The following SLC25A26 variants were observed in gnomAD, a reference collection of about 807,000 sequenced individuals.
SLC25A26 encodes the protein mitochondrial S-adenosylmethionine carrier protein.
SLC25A26 carries 36 observed loss-of-function variants against 37.8 expected under a neutral mutation model. That is an observed-to-expected ratio of 0.95 (90% CI 0.73 to 1.26). The LOEUF (loss-of-function observed/expected upper bound fraction) is 1.26. Among genes scored for constraint, SLC25A26 ranks in the 50% most tolerant of loss-of-function variants. SLC25A26 has a pLI of 0.00. For synonymous variants in SLC25A26, 129 were observed against 122.5 expected, an observed-to-expected ratio of 1.05 and a Z score of -0.35; for missense variants, 390 against 331.1, an observed-to-expected ratio of 1.18 and a Z score of -1.38.
intron 2 of SLC25A26, 26 bp from the exon 3 acceptor site, chr3:66,243,177 A>G: frequency 1.7e-6 from 2 of 1,208,658 alleles, no homozygotes; most frequent in South Asian, 1.3e-5. Flanking sequence ...AAACTTTGTG[A>G]AAGACTGGCT....
chr3:66,154,992 G>A (rs1235190072), intron 1 of SLC25A26, among the ~76,000 whole-genome samples: 1 of 152,190 alleles, frequency 6.6e-6, no homozygotes, highest in African/African-American at 2.4e-5. Context: ...TTATGGCTTA[G>A]GTGTCTTTGT....
At chr3:66,369,024 TCAAAAAAAAAAAAAAAAAACAAAAA>T (rs1462751483) in intron 7 of SLC25A26, among the ~76,000 whole-genome samples, 11 of 76,782 alleles carry the variant, frequency 1.4e-4, no homozygotes, top group African/African-American at 7.5e-4. Context: ...CCCTGTCTTT[TCAAAAAAAAAAAAAAAAAACAAAAA>T]CAAAAAAAAA....
At chr3:66,338,386 T>C (rs1044657862) in intron 5 of SLC25A26, among the ~76,000 whole-genome samples, 10 of 152,048 alleles carry the variant, frequency 6.6e-5, no homozygotes, top group Non-Finnish European at 1.5e-4. Flanking sequence ...TTCAAAGTTG[T>C]ACGTTCCCAC....
rs1340107954 is a variant in SLC25A26 at position 66,346,431 on chromosome 3, A to G, written c.498+23A>G. 3.7e-6 allele frequency: 5 copies of G among 1,337,586 alleles called. No homozygotes were observed. In the African/African-American group the frequency reaches 7.7e-5, roughly 21 times the overall value. The allele number at this position is 1,337,586 out of a possible 1,614,324, so 82.9% of individuals were successfully genotyped here. A position where few individuals can be genotyped will look rare whatever the true frequency, so the allele number is the denominator to read the frequency against. Reference sequence around the variant, plus strand: ...AAAGTAAGTTTCTCAGTCTTCACATAAAATTTGTCTCTAATTATAACATAC... The same window carrying G: ...AAAGTAAGTTTCTCAGTCTTCACATGAAATTTGTCTCTAATTATAACATAC... On this transcript the variant is annotated intron_variant, in intron 6 of 9. Coordinates refer to ENST00000354883, the MANE Select transcript of SLC25A26 (RefSeq NM_001379210.1).
At chr3:66,258,832 C>G (rs2127233) in intron 3 of SLC25A26, among the ~76,000 whole-genome samples, 4,223 of 147,388 alleles carry the variant, frequency 0.029, 194 homozygotes, top group African/African-American at 0.099. Context: ...CTTTTTTCTT[C>G]TCTTTCCTTT....
chr3:66,134,335 T>G lies in SLC25A26; in HGVS notation c.-354+351T>G, dbSNP rs114331277. 3.9e-3 allele frequency among the ~76,000 whole-genome samples: 594 copies of G among 152,360 alleles called. 6 individuals carry two copies. The highest frequency in any genetic ancestry group is 0.014 in the African/African-American group (564 of 41,578). ...AGTTTTTGTGAATAGAAGGAAATGT[T>G]ATTTGAATTCCTTTGCTGGGTTCAC... On this transcript the variant is annotated intron_variant, in intron 1 of 10. Coordinates refer to the SLC25A26 transcript ENST00000676754.
At chr3:66,348,197 A>G (rs1381999421) in intron 6 of SLC25A26, among the ~76,000 whole-genome samples, 1 of 152,198 alleles carries the variant, frequency 6.6e-6, no homozygotes, top group South Asian at 2.1e-4. Context: ...GAGATGTTAC[A>G]TTGGTTTTTC....
At chr3:66,254,690 T>A (rs71306800) in intron 3 of SLC25A26, among the ~76,000 whole-genome samples, 6,901 of 152,362 alleles carry the variant, frequency 0.045, 368 homozygotes, top group Admixed American at 0.15. Context: ...GTTTCACCCA[T>A]GCTTCCTGAG....
At chr3:66,154,734 G>A (rs1056904184) in intron 1 of SLC25A26, among the ~76,000 whole-genome samples, 1 of 151,968 alleles carries the variant, frequency 6.6e-6, no homozygotes, top group South Asian at 2.1e-4. Context: ...CACCCGCCAC[G>A]GCCTCCCAAA....
At chr3:66,293,786 T>C (rs944183295) in intron 5 of SLC25A26, among the ~76,000 whole-genome samples, 1 of 152,188 alleles carries the variant, frequency 6.6e-6, no homozygotes, top group Non-Finnish European at 1.5e-5. Flanking sequence ...ATCCAGTGTT[T>C]TATTACGGGC....
In SLC25A26 at chr3:66,364,841, G is replaced by A. The variant is rs1242757520; in HGVS notation, c.568+1912G>A. ...AAATTTTAAAATGCCTCCAATATAA[G>A]CATCTTATTTTTTTCTGCTGAAGTT... On this transcript the variant is annotated intron_variant, in intron 7 of 9. Coordinates refer to ENST00000354883, the MANE Select transcript of SLC25A26 (RefSeq NM_001379210.1). Among the ~76,000 whole-genome samples, 5 of 152,086 alleles carry A rather than the reference G, an allele frequency of 3.3e-5. No individual in the cohort carries two copies. In the East Asian group the frequency reaches 9.6e-4, roughly 29 times the overall value.
chr3:66,266,399 A>G (rs1436750675), intron 5 of SLC25A26, among the ~76,000 whole-genome samples: 1 of 152,180 alleles, frequency 6.6e-6, no homozygotes, highest in African/African-American at 2.4e-5. Flanking sequence ...CAATAAGAAA[A>G]TACATCAAAA....
rs762461496 is a variant in SLC25A26, at chr3:66,369,484, T to A, written c.575T>A (p.Phe192Tyr). 144 of 1,603,674 alleles carry A rather than the reference T, an allele frequency of 9.0e-5. No individual in the cohort carries two copies. Among genetic ancestry groups the A allele is most frequent in the Non-Finnish European group, 1.2e-4 (137 of 1,175,178 alleles). Residue 192 changes from phenylalanine (F) to tyrosine (Y), a missense_variant, in exon 8 of 10, where the codon TTT (phenylalanine) becomes TAT (tyrosine). Phe to Tyr is a conservative substitution (Grantham distance 22). Coordinates refer to ENST00000354883, the MANE Select transcript of SLC25A26 (RefSeq NM_001379210.1). ...TTGGGTATTATTTGTACAGGTGGATTTGCCGCTGCAGTCACCACCCCTCTA... is the reference window on the plus strand; with the variant it reads ...TTGGGTATTATTTGTACAGGTGGATATGCCGCTGCAGTCACCACCCCTCTA... ...SAVCGAFAGG[F>Y]AAAVTTPLDV...
intron 1 of SLC25A26, among the ~76,000 whole-genome samples, chr3:66,235,710 A>G (rs554909083): frequency 2.6e-5 from 4 of 152,340 alleles, no homozygotes; most frequent in African/African-American, 9.6e-5. Context: ...AAAAAAGTAC[A>G]GAATAGTGCA....
intron 8 of SLC25A26, among the ~76,000 whole-genome samples, chr3:66,369,751 A>C (rs1304310198): frequency 6.6e-6 from 1 of 152,192 alleles, no homozygotes; most frequent in Admixed American, 6.5e-5. Context: ...TCATTTTCAC[A>C]TAGGGCTGGT....
chr3:66,330,010 TTC>T (rs2075934240), intron 5 of SLC25A26, among the ~76,000 whole-genome samples: 1 of 152,162 alleles, frequency 6.6e-6, no homozygotes, highest in Non-Finnish European at 1.5e-5. Flanking sequence ...CCAGATGCTG[TTC>T]TAGGGGCTTT....
chr3:66,159,848 T>C (rs917514812), intron 1 of SLC25A26, among the ~76,000 whole-genome samples: 12 of 152,014 alleles, frequency 7.9e-5, no homozygotes, highest in African/African-American at 2.7e-4. Flanking sequence ...CCCTGAAAGG[T>C]AGGACTAGGC....
intron 3 of SLC25A26, among the ~76,000 whole-genome samples, chr3:66,259,824 C>T (rs1186977480): frequency 6.6e-6 from 1 of 152,092 alleles, no homozygotes; most frequent in Non-Finnish European, 1.5e-5. Context: ...TCAAGTGTTC[C>T]CACTGACTAT....
At chr3:66,343,587 A>C (rs548994510) in intron 5 of SLC25A26, among the ~76,000 whole-genome samples, 12 of 152,226 alleles carry the variant, frequency 7.9e-5, no homozygotes, top group Non-Finnish European at 1.8e-4. Flanking sequence ...CAAAATGTTT[A>C]ATGATAGAAT....
Sources: gnomAD v4.1 joint callset for allele counts (sites outside exome capture counted in the v4.1 genomes callset) on GRCh38, gnomAD v4.1.1 for gene constraint, MANE v1.5 for transcripts, NCBI Gene and HGNC (gene_info 2026-07-23, HGNC 2026-07-21) for gene names.